CCDC39: variants seen among roughly 807,000 people sequenced by gnomAD.
The protein encoded by CCDC39 is coiled-coil domain 39 molecular ruler complex subunit, also known as coiled-coil domain-containing protein 39.
A neutral mutation model predicts 121.0 loss-of-function variants in CCDC39; 113 were observed. The observed-to-expected ratio is 0.93, with a 90% CI of 0.80 to 1.09. The LOEUF (loss-of-function observed/expected upper bound fraction) is 1.09. CCDC39 is among the 50% of genes least tolerant of loss of function. The probability of loss-of-function intolerance (pLI) is 0.00; values close to 1 mark genes in which losing one functional copy is unlikely to be tolerated. For missense variants in CCDC39, 1,063 were observed against 1,074.7 expected (o/e 0.99, Z 0.15); for synonymous variants, 349 against 352.2 (o/e 0.99, Z 0.10).
In CCDC39 at chr3:180,647,070, C is replaced by T. The variant is rs1372120818; in HGVS notation, c.1527+9G>A. 1.9e-6 allele frequency: 3 copies of T among 1,600,140 alleles called. No homozygotes were observed. The highest frequency in any genetic ancestry group is 2.6e-6 in the Non-Finnish European group (3 of 1,175,996). ...ATTTGAAATATAAAATGTATTTTGG[C>T]TAAGTTACATGAAGCTTCTTGATCT... On this transcript the variant is annotated intron_variant, in intron 11 of 19. Coordinates refer to ENST00000476379, the MANE Select transcript of CCDC39 (RefSeq NM_181426.2).
intron 13 of CCDC39, among the ~76,000 whole-genome samples, chr3:180,634,332 T>C (rs181559903): frequency 1.1e-4 from 17 of 152,206 alleles, no homozygotes; most frequent in Non-Finnish European, 2.4e-4. Flanking sequence ...TGCAACAAGC[T>C]GCAATCCACC....
chr3:180,668,421 T>C (rs1711946519), intron 1 of CCDC39, among the ~76,000 whole-genome samples: 1 of 152,086 alleles, frequency 6.6e-6, no homozygotes, highest in South Asian at 2.1e-4. Flanking sequence ...TCTTCCAGAC[T>C]TGGGGTCTTC....
At chr3:180,627,619 C>T (rs888615908) in intron 14 of CCDC39, among the ~76,000 whole-genome samples, 1 of 152,136 alleles carries the variant, frequency 6.6e-6, no homozygotes, top group Non-Finnish European at 1.5e-5. Flanking sequence ...ATACTGTTTC[C>T]TTATAAAGAC....
intron 8 of CCDC39, among the ~76,000 whole-genome samples, chr3:180,651,880 A>G (rs1162213389): frequency 6.6e-6 from 1 of 152,176 alleles, no homozygotes; most frequent in African/African-American, 2.4e-5. Flanking sequence ...TAATAAAAAT[A>G]CAAAAAATTA....
At position 180,679,260 on chromosome 3, in the gene CCDC39, G is replaced by A; in HGVS notation, c.90+31C>T. 6.3e-7 allele frequency: 1 copy of A among 1,585,568 alleles called. No homozygotes were observed. The highest frequency in any genetic ancestry group is 8.7e-7 in the Non-Finnish European group (1 of 1,153,988). On this transcript the variant is annotated intron_variant, in intron 1 of 19. Coordinates refer to ENST00000476379, the MANE Select transcript of CCDC39 (RefSeq NM_181426.2). This position sits in a 1 kb window ranked among gnomAD's most constrained non-coding sequence, Gnocchi z 4.0. ...AAAACGCCCCCAACAGGCTCTCTCT[G>A]CTTCCTCCCGCCTGCTTCAATTGAT...
chr3:180,664,850 C>G (rs552964406), intron 1 of CCDC39, among the ~76,000 whole-genome samples: 1 of 124,538 alleles, frequency 8.0e-6, no homozygotes, highest in Non-Finnish European at 1.6e-5. Context: ...GTGCCCACCA[C>G]TACACCTGGC....
intron 6 of CCDC39, among the ~76,000 whole-genome samples, chr3:180,659,225 TGAGATGACAGGATCCA>T (rs1711675873): frequency 6.6e-6 from 1 of 152,248 alleles, no homozygotes; most frequent in African/African-American, 2.4e-5. Context: ...TCCGCAATTC[TGAGATGACAGGATCCA>T]GTGTTTGGAG....
intron 11 of CCDC39, 81 bp from the exon 12 acceptor site, chr3:180,644,338 CTTACA>C: frequency 1.3e-6 from 1 of 782,318 alleles, no homozygotes; most frequent in Non-Finnish European, 1.9e-6. Context: ...TTATATATAT[CTTACA>C]TTAAATTATA....
chr3:180,653,109 A>C (rs1280029204), intron 7 of CCDC39, among the ~76,000 whole-genome samples: 1 of 152,250 alleles, frequency 6.6e-6, no homozygotes, highest in Non-Finnish European at 1.5e-5. Context: ...TGTCAAAATC[A>C]AAATGGAGTC....
In CCDC39 at chr3:180,616,309, A is replaced by G. The variant is rs1359790009; in HGVS notation, c.2641T>C (p.Ser881Pro). 1 of 1,613,352 alleles carries G rather than the reference A, an allele frequency of 6.2e-7. No homozygotes were observed. The highest frequency in any genetic ancestry group is 1.3e-5 in the African/African-American group (1 of 74,974). Residue 881 changes from serine to proline, a missense_variant, in exon 19 of 20, where the codon TCT becomes CCT. Transcript: ENST00000476379. Reference protein sequence around the residue: ...STKGSRQSSRSPSHTSLSARS... With the variant: ...STKGSRQSSRPPSHTSLSARS... Reference sequence around the variant, plus strand: ...GCTGATAGTGAAGTATGTGAAGGAGATCTAGAGCTCTGACGACTGCCTTTT... The same window carrying G: ...GCTGATAGTGAAGTATGTGAAGGAGGTCTAGAGCTCTGACGACTGCCTTTT...
At chr3:180,672,043 G>A (rs1712063262) in intron 1 of CCDC39, among the ~76,000 whole-genome samples, 1 of 152,192 alleles carries the variant, frequency 6.6e-6, no homozygotes, top group South Asian at 2.1e-4. Context: ...CTCAATAGGA[G>A]AAGTCAATGC....
At chr3:180,625,670 GT>G (rs1717542257) in intron 14 of CCDC39, among the ~76,000 whole-genome samples, 1 of 152,122 alleles carries the variant, frequency 6.6e-6, no homozygotes, top group Non-Finnish European at 1.5e-5. Flanking sequence ...TCCTGAAGAA[GT>G]ACATATGTAG....
intron 13 of CCDC39, among the ~76,000 whole-genome samples, chr3:180,638,609 CAAG>C (rs1422728603): frequency 1.3e-5 from 2 of 151,652 alleles, no homozygotes; most frequent in Non-Finnish European, 2.9e-5. Context: ...AAAACAATAG[CAAG>C]AGACTATAAT....
At chr3:180,629,407 G>A (rs1468365325) in intron 14 of CCDC39, among the ~76,000 whole-genome samples, 1 of 152,218 alleles carries the variant, frequency 6.6e-6, no homozygotes, top group African/African-American at 2.4e-5. Context: ...TTGTCTGCAA[G>A]TTAGTTATCA....
At chr3:180,640,964 C>A (rs1011421173) in intron 13 of CCDC39, among the ~76,000 whole-genome samples, 1 of 151,950 alleles carries the variant, frequency 6.6e-6, no homozygotes, top group African/African-American at 2.4e-5. Context: ...GATACCCTGA[C>A]AAGGACAGTA....
intron 14 of CCDC39, among the ~76,000 whole-genome samples, chr3:180,628,638 T>G (rs959077152): frequency 6.6e-6 from 1 of 152,232 alleles, no homozygotes; most frequent in Non-Finnish European, 1.5e-5. Context: ...TTATGGGCCA[T>G]TCAGTCTGTC....
Position 180,647,140 on chromosome 3 carries a change from T to C in CCDC39, c.1466A>G (p.Lys489Arg). 6.2e-7 allele frequency: 1 copy of C among 1,611,824 alleles called. No individual in the cohort carries two copies. Among genetic ancestry groups the C allele is most frequent in the Non-Finnish European group, 8.5e-7 (1 of 1,179,104 alleles). Residue 489 changes from lysine (K) to arginine (R), a missense_variant, in exon 11 of 20, where the codon AAG becomes AGG. Lys to Arg is a conservative substitution (Grantham distance 26, BLOSUM62 2). Transcript: ENST00000476379. ...ALEAKIVELR[K>R]SLEEKKSTCG... ...TGTAGATTTTTTCTCTTCCAAAGAC[T>C]TCCTAAGTTCAACAATTTTTGCTTC...
intron 1 of CCDC39, among the ~76,000 whole-genome samples, chr3:180,667,038 A>C (rs1711895919): frequency 6.6e-6 from 1 of 152,194 alleles, no homozygotes; most frequent in African/African-American, 2.4e-5. Context: ...ATACTTTCAG[A>C]GTTTTTTTTT....
intron 6 of CCDC39, among the ~76,000 whole-genome samples, chr3:180,658,397 CA>C (rs1454538109): frequency 1.3e-5 from 2 of 151,750 alleles, no homozygotes; most frequent in African/African-American, 4.8e-5. Flanking sequence ...AGATCGAGAC[CA>C]TCCTGGCTAA....
Sources: gnomAD v4.1 joint callset for allele counts (sites outside exome capture counted in the v4.1 genomes callset) on GRCh38, gnomAD v4.1.1 for gene constraint, Gnocchi (gnomAD v3.1) non-coding constraint, MANE v1.5 for transcripts, NCBI Gene and HGNC (gene_info 2026-07-23, HGNC 2026-07-21) for gene names.